Variants in NALCN observed in about 807,000 individuals in gnomAD.
The protein encoded by NALCN is sodium leak channel, non-selective, also known as sodium leak channel NALCN.
NALCN carries 111 observed loss-of-function variants against 225.3 expected under a neutral mutation model. The observed-to-expected ratio is 0.49, with a 90% CI of 0.42 to 0.58. The LOEUF (loss-of-function observed/expected upper bound fraction) is 0.58, where lower values mean the gene tolerates loss of function less well. Ranked by LOEUF, NALCN falls within the 20% of genes least tolerant of loss-of-function variation. NALCN has a pLI of 0.00. For synonymous variants in NALCN, 764 were observed against 769.0 expected (o/e 0.99, Z 0.11); for missense variants, 1,378 against 2,202.4 (o/e 0.63, Z 7.49).
intron 17 of NALCN, among the ~76,000 whole-genome samples, chr13:101,140,206 G>C (rs564350921): frequency 1.7e-3 from 262 of 152,218 alleles, no homozygotes; most frequent in African/African-American, 5.7e-3. Context: ...ATGTTGTATG[G>C]GATAAAACGT....
At chr13:101,228,321 TA>T (rs35660610) in intron 13 of NALCN, among the ~76,000 whole-genome samples, 1 of 152,212 alleles carries the variant, frequency 6.6e-6, no homozygotes, top group Non-Finnish European at 1.5e-5. Context: ...GCTTAACTTT[TA>T]AAAATATATG....
intron 17 of NALCN, among the ~76,000 whole-genome samples, chr13:101,127,186 G>C (rs1422101985): frequency 1.3e-5 from 2 of 152,190 alleles, no homozygotes; most frequent in African/African-American, 4.8e-5. Flanking sequence ...CCCTGCACAA[G>C]ATTGCTAAAA....
rs187742402 is a variant in NALCN, at chr13:101,297,710, G to A, written c.800-5344C>T. On this transcript the variant is annotated intron_variant, in intron 7 of 43. Transcript: ENST00000251127. The stretch of plus-strand genomic sequence containing the variant: ...TGTTACTCGGGTCATCCTGCTACAG[G>A]TGCTTGTTTTCTTATCTGGTCCTTT... 3.7e-3 allele frequency among the ~76,000 whole-genome samples: 563 copies of A among 152,238 alleles called. 1 individual carries two copies. Among genetic ancestry groups the A allele is most frequent in the Non-Finnish European group, 6.5e-3 (441 of 68,018 alleles).
chr13:101,164,429 C>T (rs2038343571), intron 15 of NALCN, among the ~76,000 whole-genome samples: 1 of 151,996 alleles, frequency 6.6e-6, no homozygotes, highest in Non-Finnish European at 1.5e-5. Flanking sequence ...GCAGCTGGGA[C>T]CACAGGTATG....
At chr13:101,389,186 A>C (rs138984126) in intron 3 of NALCN, among the ~76,000 whole-genome samples, 1,567 of 152,320 alleles carry the variant, frequency 0.01, 18 homozygotes, top group Non-Finnish European at 0.016. Context: ...TGTTCATTGA[A>C]GCTATGGAGG....
At chr13:101,086,320 G>C (rs917180100) in intron 30 of NALCN, among the ~76,000 whole-genome samples, 1 of 151,804 alleles carries the variant, frequency 6.6e-6, no homozygotes, top group Non-Finnish European at 1.5e-5. Flanking sequence ...CACTTAAAAC[G>C]ATACATTTAT....
intron 31 of NALCN, among the ~76,000 whole-genome samples, 169 bp downstream of exon 31, chr13:101,083,542 G>T (rs1170430720): frequency 6.6e-6 from 1 of 152,128 alleles, no homozygotes; most frequent in Non-Finnish European, 1.5e-5. Context: ...TTGGGTGGTT[G>T]ATTTTAATAG....
intron 7 of NALCN, among the ~76,000 whole-genome samples, chr13:101,324,367 C>T (rs7324071): frequency 0.35 from 52,963 of 152,060 alleles, 9,241 homozygotes; most frequent in Admixed American, 0.41. Context: ...CTTTGTAACA[C>T]CAGAATTTAA....
intron 17 of NALCN, among the ~76,000 whole-genome samples, chr13:101,141,524 C>G (rs2037076353): frequency 6.6e-6 from 1 of 152,048 alleles, no homozygotes; most frequent in African/African-American, 2.4e-5. Context: ...AAATCATCAT[C>G]ATTTTCAGCA....
chr13:101,347,377 T>C (rs74117878), intron 6 of NALCN, among the ~76,000 whole-genome samples: 6,944 of 152,170 alleles, frequency 0.046, 522 homozygotes, highest in African/African-American at 0.16. Flanking sequence ...ACCCCATCTG[T>C]AAAACCCAAG....
At chr13:101,398,624 C>A (rs1566652713) in intron 2 of NALCN, among the ~76,000 whole-genome samples, 1 of 152,130 alleles carries the variant, frequency 6.6e-6, no homozygotes. Context: ...CAGAAGGAGA[C>A]CTTTAATTCC....
chr13:101,303,379 C>T (rs551632684), intron 7 of NALCN, among the ~76,000 whole-genome samples: 2 of 152,182 alleles, frequency 1.3e-5, no homozygotes, highest in African/African-American at 4.8e-5. Context: ...GATGAAAAGG[C>T]CGTCATTAGC....
At chr13:101,371,412 G>A (rs1484336765) in intron 6 of NALCN, among the ~76,000 whole-genome samples, 5 of 152,064 alleles carry the variant, frequency 3.3e-5, no homozygotes, top group African/African-American at 1.2e-4. Context: ...TCAAACTCCT[G>A]GGCTCAAGTG....
intron 17 of NALCN, 138 bp from the exon 18 acceptor site, chr13:101,124,819 C>A: frequency 1.2e-6 from 1 of 817,512 alleles, no homozygotes; most frequent in Non-Finnish European, 1.9e-6. Context: ...ATTGACAATT[C>A]TTGTCTATTT....
intron 17 of NALCN, among the ~76,000 whole-genome samples, chr13:101,126,627 G>C (rs1374937890): frequency 6.6e-6 from 1 of 151,930 alleles, no homozygotes; most frequent in Non-Finnish European, 1.5e-5. Flanking sequence ...CGAGTAGCTG[G>C]GACTACAGGT....
intron 13 of NALCN, among the ~76,000 whole-genome samples, chr13:101,219,111 T>C (rs963579163): frequency 1.3e-5 from 2 of 152,168 alleles, no homozygotes; most frequent in Non-Finnish European, 2.9e-5. Context: ...ACATACATTT[T>C]TGGGGGAACA....
intron 15 of NALCN, among the ~76,000 whole-genome samples, chr13:101,153,636 C>G (rs1188696164): frequency 6.6e-6 from 1 of 152,198 alleles, no homozygotes. Flanking sequence ...GTGTCCCCCC[C>G]TGCCTCAGTG....
intron 7 of NALCN, among the ~76,000 whole-genome samples, chr13:101,313,788 T>C (rs2044446815): frequency 6.6e-6 from 1 of 152,160 alleles, no homozygotes; most frequent in Non-Finnish European, 1.5e-5. Flanking sequence ...AAATACCATT[T>C]GACCCAGCCA....
At chr13:101,341,977 G>A (rs1351596794) in intron 7 of NALCN, among the ~76,000 whole-genome samples, 2 of 152,216 alleles carry the variant, frequency 1.3e-5, no homozygotes, top group African/African-American at 4.8e-5. Context: ...GAACCAGGAA[G>A]TGAGCCTTCA....
Sources: gnomAD v4.1 joint callset for allele counts (sites outside exome capture counted in the v4.1 genomes callset) on GRCh38, gnomAD v4.1.1 for gene constraint, MANE v1.5 for transcripts, NCBI Gene and HGNC (gene_info 2026-07-23, HGNC 2026-07-21) for gene names.